The following ZSWIM6 variants were observed in gnomAD, a reference collection of about 807,000 sequenced individuals.
ZSWIM6 encodes the protein zinc finger SWIM domain-containing protein 6.
ZSWIM6 carries 9 observed loss-of-function variants against 113.2 expected under a neutral mutation model. That is an observed-to-expected ratio of 0.08 (90% CI 0.05 to 0.14). The LOEUF is 0.14. Among genes scored for constraint, ZSWIM6 ranks in the 10% least tolerant of loss-of-function variants. The pLI is 1.00. For synonymous variants in ZSWIM6, 611 were observed against 606.5 expected (o/e 1.01, Z -0.11); for missense variants, 1,162 against 1,552.2 (o/e 0.75, Z 4.22).
intron 1 of ZSWIM6, among the ~76,000 whole-genome samples, chr5:61,380,951 AG>A (rs895443624): frequency 6.7e-6 from 1 of 148,170 alleles, no homozygotes; most frequent in African/African-American, 2.4e-5. Context: ...AAAAAAAAAA[AG>A]AAAAAAAAAA....
intron 1 of ZSWIM6, among the ~76,000 whole-genome samples, chr5:61,428,407 C>T (rs559589009): frequency 1.3e-4 from 20 of 152,262 alleles, no homozygotes; most frequent in South Asian, 4.1e-4. Context: ...CTGTCACCCA[C>T]GCTGGAGCAC....
chr5:61,350,284 C>G (rs923688132), intron 1 of ZSWIM6, among the ~76,000 whole-genome samples: 4 of 152,170 alleles, frequency 2.6e-5, no homozygotes, highest in African/African-American at 9.7e-5. Flanking sequence ...AGGCATACAT[C>G]TTGTTTCTCA....
intron 1 of ZSWIM6, among the ~76,000 whole-genome samples, chr5:61,452,414 T>C (rs1747102800): frequency 6.6e-6 from 1 of 152,178 alleles, no homozygotes; most frequent in Admixed American, 6.6e-5. Context: ...TGTGCAAGTA[T>C]TTCCCTAGGG....
chr5:61,391,100 G>T, intron 1 of ZSWIM6: 1 of 745,664 alleles, frequency 1.3e-6, no homozygotes, highest in Non-Finnish European at 2.5e-6. Flanking sequence ...GGGGCAGGAT[G>T]CTGTGTCCCA....
intron 1 of ZSWIM6, among the ~76,000 whole-genome samples, chr5:61,418,217 A>G (rs1032224487): frequency 2.6e-5 from 4 of 152,192 alleles, no homozygotes; most frequent in African/African-American, 9.7e-5. Context: ...AGGCTCAATA[A>G]TTTTAACACA....
chr5:61,442,401 A>T (rs557198364), intron 1 of ZSWIM6, among the ~76,000 whole-genome samples: 3 of 152,212 alleles, frequency 2.0e-5, no homozygotes, highest in Admixed American at 2.0e-4. Context: ...TGGCTGCTTC[A>T]TGCTTAGGAG....
intron 1 of ZSWIM6, among the ~76,000 whole-genome samples, chr5:61,397,308 A>G (rs1032582910): frequency 2.6e-5 from 4 of 152,256 alleles, no homozygotes; most frequent in African/African-American, 9.6e-5. Context: ...TTAAATTTAA[A>G]TACATTGGAT....
At chr5:61,526,170 A>G in intron 6 of ZSWIM6, 80 bp from the exon 7 acceptor site, 1 of 1,467,540 alleles carries the variant, frequency 6.8e-7, no homozygotes, top group African/African-American at 1.4e-5. Context: ...GTATTTTGGG[A>G]GAAACATCTT....
intron 1 of ZSWIM6, among the ~76,000 whole-genome samples, chr5:61,433,309 A>G (rs1332400052): frequency 6.6e-6 from 1 of 152,106 alleles, no homozygotes; most frequent in Non-Finnish European, 1.5e-5. Flanking sequence ...AGTGTCAAAG[A>G]AGAAGTTTCC....
In ZSWIM6 at chr5:61,472,257, A is replaced by C. The variant is rs544519462; in HGVS notation, c.677-424A>C. On this transcript the variant is annotated intron_variant, in intron 1 of 13. Transcript: ENST00000252744. This position sits in a 1 kb window ranked among gnomAD's most constrained non-coding sequence, Gnocchi z 4.1. ...GGGGAGAGTTAGTTTGTTTTTGAGA[A>C]GAAAGCTGAGCTAGGTGACTCTGCT... 6.6e-6 allele frequency among the ~76,000 whole-genome samples: 1 copy of C among 152,264 alleles called. No individual in the cohort carries two copies. The highest frequency in any genetic ancestry group is 2.1e-4 in the South Asian group (1 of 4,820).
intron 1 of ZSWIM6, among the ~76,000 whole-genome samples, chr5:61,471,945 T>TGTGTGC (rs1747582860): frequency 6.6e-6 from 1 of 152,002 alleles, no homozygotes; most frequent in Admixed American, 6.6e-5. Context: ...TGTGTGTGTG[T>TGTGTGC]GTGTGTAATA....
chr5:61,349,126 C>G (rs1489340466), intron 1 of ZSWIM6, among the ~76,000 whole-genome samples: 1 of 152,120 alleles, frequency 6.6e-6, no homozygotes, highest in East Asian at 1.9e-4. Context: ...TAAAAATACT[C>G]TACCATACAC....
intron 1 of ZSWIM6, among the ~76,000 whole-genome samples, chr5:61,377,514 C>T (rs1009751345): frequency 2.6e-5 from 4 of 151,836 alleles, no homozygotes; most frequent in South Asian, 4.2e-4. Flanking sequence ...GTCAGGAGAT[C>T]GGAGACCAGC....
intron 1 of ZSWIM6, among the ~76,000 whole-genome samples, chr5:61,358,167 G>C (rs1040281316): frequency 6.6e-6 from 1 of 151,950 alleles, no homozygotes; most frequent in Non-Finnish European, 1.5e-5. Flanking sequence ...TTTCAATTGT[G>C]ATTATACATG....
At chr5:61,345,434 A>C (rs747201952) in intron 1 of ZSWIM6, among the ~76,000 whole-genome samples, 7 of 152,222 alleles carry the variant, frequency 4.6e-5, no homozygotes, top group Non-Finnish European at 8.8e-5. Context: ...ATATGAATTT[A>C]AGAATGTGGC....
intron 2 of ZSWIM6, among the ~76,000 whole-genome samples, chr5:61,483,316 T>A (rs1747927054): frequency 6.6e-6 from 1 of 152,134 alleles, no homozygotes; most frequent in African/African-American, 2.4e-5. Flanking sequence ...ATTAATACAT[T>A]CACCAGGGCA....
chr5:61,351,166 G>GTTT (rs1407201399), intron 1 of ZSWIM6, among the ~76,000 whole-genome samples: 1 of 152,096 alleles, frequency 6.6e-6, no homozygotes, highest in African/African-American at 2.4e-5. Context: ...ATTCATCGAG[G>GTTT]TGTATCATGC....
At chr5:61,391,503 A>T in intron 1 of ZSWIM6, 2 of 1,280,192 alleles carry the variant, frequency 1.6e-6, no homozygotes, top group Non-Finnish European at 2.3e-6. Context: ...TCTTAGATTT[A>T]TGCCGGTTTT....
chr5:61,385,414 G>A (rs960405316), intron 1 of ZSWIM6, among the ~76,000 whole-genome samples: 1 of 152,170 alleles, frequency 6.6e-6, no homozygotes, highest in East Asian at 1.9e-4. Flanking sequence ...AGGGCGGCAT[G>A]ATAAATGAGA....
Sources: allele counts gnomAD v4.1 joint callset (sites outside exome capture counted in the v4.1 genomes callset), GRCh38; gene constraint gnomAD v4.1.1; non-coding constraint Gnocchi (gnomAD v3.1); transcripts MANE v1.5; gene names NCBI Gene and HGNC (gene_info 2026-07-23, HGNC 2026-07-21).